Variants in IFT57 observed in about 807,000 individuals in gnomAD.
The protein encoded by IFT57 is intraflagellar transport protein 57 homolog.
Under a neutral mutation model 56.8 loss-of-function variants are expected in IFT57, and 59 were observed. The ratio of observed to expected loss-of-function variants is 1.04; its 90% CI spans 0.84 to 1.29. IFT57 has a LOEUF of 1.29. IFT57 is among the 50% of genes most tolerant of loss of function. IFT57 has a pLI of 0.00. For synonymous variants in IFT57, 209 were observed against 186.1 expected (o/e 1.12, Z -1.00); for missense variants, 470 against 522.1 (o/e 0.90, Z 0.97).
chr3:108,222,406 C>A lies in IFT57; in HGVS notation c.-84G>T, dbSNP rs1165106729. On this transcript the variant is annotated 5_prime_UTR_variant, in exon 1 of 11. Transcript: ENST00000264538. ...GCCAGCCCTGCCGCCGCCAGTACAG[C>A]CACGACCGGTTACCAGGCGACCACC... 1.6e-6 allele frequency: 2 copies of A among 1,231,104 alleles called. No homozygotes were observed. Among genetic ancestry groups the A allele is most frequent in the South Asian group, 1.6e-5 (1 of 62,440 alleles). The allele number at this position is 1,231,104 out of a possible 1,614,324, so 76.3% of individuals were successfully genotyped here.
intron 5 of IFT57, among the ~76,000 whole-genome samples, chr3:108,205,501 A>C (rs924602791): frequency 7.3e-5 from 11 of 151,362 alleles, no homozygotes; most frequent in African/African-American, 2.7e-4. Flanking sequence ...AATATCACTA[A>C]GGCATCAATG....
chr3:108,176,921 A>G (rs1350033879), intron 6 of IFT57, among the ~76,000 whole-genome samples: 7 of 151,790 alleles, frequency 4.6e-5, no homozygotes, highest in Non-Finnish European at 5.9e-5. Context: ...GTAAATCAAC[A>G]CATATAATTC....
chr3:108,163,893 T>G (rs1409036837), intron 9 of IFT57, among the ~76,000 whole-genome samples, 164 bp from the exon 10 acceptor site: 4 of 152,086 alleles, frequency 2.6e-5, no homozygotes, highest in Non-Finnish European at 5.9e-5. Flanking sequence ...AGTATGCAGA[T>G]ATACAAAGCT....
At chr3:108,216,087 A>G (rs755349396) in intron 3 of IFT57, among the ~76,000 whole-genome samples, 1 of 152,162 alleles carries the variant, frequency 6.6e-6, no homozygotes, top group Non-Finnish European at 1.5e-5. Context: ...AATTTTTTGG[A>G]TAAGACCTCA....
chr3:108,199,794 T>G (rs9862649), intron 5 of IFT57, among the ~76,000 whole-genome samples: 14,619 of 150,554 alleles, frequency 0.097, 763 homozygotes, highest in Middle Eastern at 0.12. Context: ...TTTTTGGGTT[T>G]GCTGTGGGAC....
rs1055831646 is a variant in IFT57, at chr3:108,184,910, T to C, written c.777+6611A>G. On this transcript the variant is annotated intron_variant, in intron 6 of 10. Coordinates refer to ENST00000264538, the MANE Select transcript of IFT57 (RefSeq NM_018010.4). Reference sequence around the variant, plus strand: ...ACCCTGAATAACACCATGGGACCTATACAAATGTCACTTGCAATGCTGGAA... The same window carrying C: ...ACCCTGAATAACACCATGGGACCTACACAAATGTCACTTGCAATGCTGGAA... Among the ~76,000 whole-genome samples, 6 of 152,148 alleles carry C rather than the reference T, an allele frequency of 3.9e-5. 1 individual carries two copies. Among genetic ancestry groups the C allele is most frequent in the Non-Finnish European group, 7.4e-5 (5 of 68,018 alleles).
At chr3:108,176,580 G>A (rs892051136) in intron 6 of IFT57, among the ~76,000 whole-genome samples, 1 of 151,820 alleles carries the variant, frequency 6.6e-6, no homozygotes, top group African/African-American at 2.4e-5. Flanking sequence ...GCATGAACAC[G>A]AGGGAAGGTT....
At chr3:108,212,333 C>T (rs182693948) in intron 4 of IFT57, among the ~76,000 whole-genome samples, 175 of 152,212 alleles carry the variant, frequency 1.1e-3, no homozygotes, top group African/African-American at 3.9e-3. Flanking sequence ...CACCGCCTCC[C>T]GAAGAGCTGG....
chr3:108,202,383 TAG>T (rs1163727935), intron 5 of IFT57, among the ~76,000 whole-genome samples: 4 of 152,224 alleles, frequency 2.6e-5, no homozygotes, highest in African/African-American at 7.2e-5. Context: ...ACCTCATCAC[TAG>T]AGTCTTCCTT....
At chr3:108,212,611 C>A (rs2080348751) in intron 4 of IFT57, among the ~76,000 whole-genome samples, 1 of 152,138 alleles carries the variant, frequency 6.6e-6, no homozygotes, top group African/African-American at 2.4e-5. Flanking sequence ...CCCAGCGCCT[C>A]AAGTATTCCT....
At chr3:108,196,290 C>T (rs2080243992) in intron 5 of IFT57, among the ~76,000 whole-genome samples, 1 of 145,150 alleles carries the variant, frequency 6.9e-6, no homozygotes, top group African/African-American at 2.5e-5. Flanking sequence ...TTCTTTCCCT[C>T]CTTACAAGAT....
chr3:108,204,193 T>A (rs1329030280), intron 5 of IFT57, among the ~76,000 whole-genome samples: 1 of 152,186 alleles, frequency 6.6e-6, no homozygotes. Flanking sequence ...CCAGGTTTTT[T>A]AAAATATGAA....
intron 5 of IFT57, among the ~76,000 whole-genome samples, chr3:108,200,968 C>A (rs1232884214): frequency 6.6e-6 from 1 of 152,030 alleles, no homozygotes; most frequent in Non-Finnish European, 1.5e-5. Context: ...AAAAATTATA[C>A]AAAATAAGAA....
rs116619680 is a variant in IFT57 at position 108,208,793 on chromosome 3, A to G, written c.586-2097T>C. On this transcript the variant is annotated intron_variant, in intron 4 of 10. Coordinates refer to ENST00000264538, the MANE Select transcript of IFT57 (RefSeq NM_018010.4). ...ATACCTCTGAATCAACATGGCAAAG[A>G]AGGCAATTACTGTACTGGCTGGCAT... Among the ~76,000 whole-genome samples, 1,511 of 152,316 alleles carry G rather than the reference A, an allele frequency of 9.9e-3. 17 individuals carry two copies. Among genetic ancestry groups the G allele is most frequent in the African/African-American group, 0.034 (1,421 of 41,562 alleles).
chr3:108,189,968 CATT>C (rs1175625035), intron 6 of IFT57, among the ~76,000 whole-genome samples: 8 of 152,168 alleles, frequency 5.3e-5, no homozygotes, highest in Admixed American at 1.3e-4. Context: ...TCTTTATCCT[CATT>C]GTCTTCATGT....
intron 6 of IFT57, among the ~76,000 whole-genome samples, chr3:108,171,976 T>C (rs1357611551): frequency 2.6e-5 from 4 of 151,232 alleles, no homozygotes; most frequent in Non-Finnish European, 5.9e-5. Context: ...TATACAAATA[T>C]ATAGTTTTTA....
At position 108,165,645 on chromosome 3, in the gene IFT57, T is replaced by C. The variant is rs1388826021; in HGVS notation, c.982-152A>G. On this transcript the variant is annotated intron_variant, in intron 8 of 10. Transcript: ENST00000264538. ...CATTTGTGAAAGTGACATTTAACTGTAGCTGTTTTATGTCCCTAATAGGCA... is the reference window on the plus strand; with the variant it reads ...CATTTGTGAAAGTGACATTTAACTGCAGCTGTTTTATGTCCCTAATAGGCA... The C allele has an allele frequency of 6.1e-5, 41 of 674,630 alleles. No homozygotes were observed. The East Asian group carries it at 1.1e-3, about 18-fold the overall frequency. 41.8% of individuals were successfully genotyped at this position (674,630 alleles called of 1,614,324 possible).
At chr3:108,184,361 CA>C (rs199670948) in intron 6 of IFT57, among the ~76,000 whole-genome samples, 7 of 151,850 alleles carry the variant, frequency 4.6e-5, no homozygotes, top group African/African-American at 1.7e-4. Flanking sequence ...AATAAATATA[CA>C]AAAAAATTTT....
chr3:108,216,023 A>C (rs1264484499), intron 3 of IFT57, among the ~76,000 whole-genome samples: 1 of 152,214 alleles, frequency 6.6e-6, no homozygotes, highest in Non-Finnish European at 1.5e-5. Flanking sequence ...TCTGAAACTG[A>C]AACTACTAGA....
Sources: allele counts gnomAD v4.1 joint callset (sites outside exome capture counted in the v4.1 genomes callset), GRCh38; gene constraint gnomAD v4.1.1; transcripts MANE v1.5; gene names NCBI Gene and HGNC (gene_info 2026-07-23, HGNC 2026-07-21).